The following ARAP2 variants were observed in gnomAD, a reference collection of about 807,000 sequenced individuals.
ARAP2 encodes the protein arf-GAP with Rho-GAP domain, ANK repeat and PH domain-containing protein 2.
A neutral mutation model predicts 194.5 loss-of-function variants in ARAP2; 148 were observed. The observed-to-expected ratio is 0.76, with a 90% confidence interval of 0.67 to 0.87. The LOEUF (loss-of-function observed/expected upper bound fraction) is 0.87, where lower values mean the gene tolerates loss of function less well. Ranked by LOEUF, ARAP2 falls within the 40% of genes least tolerant of loss-of-function variation. ARAP2 has a pLI of 0.00. For missense variants in ARAP2, 2,128 were observed against 1,989.7 expected (o/e 1.07, Z -1.32); for synonymous variants, 695 against 683.5 (o/e 1.02, Z -0.26).
At chr4:36,224,008 T>G (rs1317627163) in intron 2 of ARAP2, among the ~76,000 whole-genome samples, 1 of 151,970 alleles carries the variant, frequency 6.6e-6, no homozygotes, top group African/African-American at 2.4e-5. Flanking sequence ...AAGTAATGAA[T>G]AACTCTGATT....
intron 1 of ARAP2, among the ~76,000 whole-genome samples, chr4:36,233,614 T>G (rs1751922050): frequency 6.6e-6 from 1 of 152,208 alleles, no homozygotes; most frequent in South Asian, 2.1e-4. Context: ...TTTCTAGCAG[T>G]GTAAACATAG....
chr4:36,149,718 T>G (rs1180334717), intron 16 of ARAP2, among the ~76,000 whole-genome samples: 1 of 152,186 alleles, frequency 6.6e-6, no homozygotes, highest in Admixed American at 6.5e-5. Flanking sequence ...AATAATCATT[T>G]AGAGTAAAAG....
intron 5 of ARAP2, among the ~76,000 whole-genome samples, chr4:36,211,823 A>T (rs1365580799): frequency 6.6e-6 from 1 of 152,110 alleles, no homozygotes; most frequent in Non-Finnish European, 1.5e-5. Flanking sequence ...ATATACATCT[A>T]CTATGTAATC....
chr4:36,183,741 C>T (rs746116661), intron 8 of ARAP2, among the ~76,000 whole-genome samples: 1 of 152,058 alleles, frequency 6.6e-6, no homozygotes, highest in African/African-American at 2.4e-5. Context: ...AATTCACTTG[C>T]AACTAAGAGA....
At chr4:36,230,527 C>T (rs1751239720) in intron 1 of ARAP2, among the ~76,000 whole-genome samples, 1 of 152,110 alleles carries the variant, frequency 6.6e-6, no homozygotes, top group African/African-American at 2.4e-5. Context: ...GTCACATGTC[C>T]TCCAATGTAC....
chr4:36,166,956 A>G lies in ARAP2; in HGVS notation c.1949T>C (p.Ile650Thr). ...VDRTVKQSFE[I>T]ITPYRSFSFT... ...CCTGAAACTCCTGTAGGGAGTGATT[A>G]TTTCAAAAGATTGTTTCACAGTTCG... Residue 650 changes from isoleucine to threonine, a missense_variant, in exon 10 of 33, where the codon ATA becomes ACA. By Grantham distance (89) the Ile-to-Thr change is moderately conservative. Coordinates refer to ENST00000303965, the MANE Select transcript of ARAP2 (RefSeq NM_015230.4). The G allele has an allele frequency of 6.2e-7, 1 of 1,604,932 alleles. No homozygotes were observed. Among genetic ancestry groups the G allele is most frequent in the Non-Finnish European group, 8.5e-7 (1 of 1,176,382 alleles).
chr4:36,070,767 T>G (rs558083782), intron 32 of ARAP2, among the ~76,000 whole-genome samples: 2 of 152,344 alleles, frequency 1.3e-5, no homozygotes, highest in South Asian at 4.1e-4. Context: ...TTAATCTTCA[T>G]GTTGTAAAAT....
intron 6 of ARAP2, among the ~76,000 whole-genome samples, chr4:36,199,428 A>C (rs1743898092): frequency 6.6e-6 from 1 of 152,118 alleles, no homozygotes; most frequent in Non-Finnish European, 1.5e-5. Flanking sequence ...AGTAGCTGGG[A>C]CTACAGGCAC....
chr4:36,051,066 G>A (rs183908851), intron 3 of ARAP2, among the ~76,000 whole-genome samples: 110 of 152,208 alleles, frequency 7.2e-4, no homozygotes, highest in African/African-American at 2.5e-3. Context: ...ATATTATCAT[G>A]AATTAATATT....
intron 3 of ARAP2, among the ~76,000 whole-genome samples, chr4:36,213,648 G>T (rs1428095945): frequency 6.6e-6 from 1 of 151,970 alleles, no homozygotes; most frequent in Non-Finnish European, 1.5e-5. Flanking sequence ...TTGTCATGGT[G>T]CCATTTATAA....
At chr4:36,094,092 T>C (rs1714512751) in intron 27 of ARAP2, among the ~76,000 whole-genome samples, 1 of 152,168 alleles carries the variant, frequency 6.6e-6, no homozygotes, top group Non-Finnish European at 1.5e-5. Context: ...CACGTTATTT[T>C]TGTAGCTCAG....
intron 19 of ARAP2, among the ~76,000 whole-genome samples, chr4:36,144,975 C>T (rs989184742): frequency 8.6e-5 from 13 of 151,962 alleles, no homozygotes; most frequent in African/African-American, 3.1e-4. Context: ...TTTTCTCTAG[C>T]TTACTTTATT....
chr4:36,154,446 C>T (rs13121809), intron 15 of ARAP2, among the ~76,000 whole-genome samples: 9,941 of 152,122 alleles, frequency 0.065, 431 homozygotes, highest in Middle Eastern at 0.12. Context: ...AAATCAACCA[C>T]TTTCTTTTTG....
intron 29 of ARAP2, among the ~76,000 whole-genome samples, chr4:36,083,083 C>G (rs1729961111): frequency 6.6e-6 from 1 of 152,068 alleles, no homozygotes; most frequent in Admixed American, 6.6e-5. Flanking sequence ...AAGCCATGTA[C>G]TTCCCAGTAG....
At chr4:36,113,923 T>C (rs1345548391) in intron 26 of ARAP2, among the ~76,000 whole-genome samples, 1 of 152,012 alleles carries the variant, frequency 6.6e-6, no homozygotes, top group Non-Finnish European at 1.5e-5. Flanking sequence ...ACAAAGGTCT[T>C]CTTTTCTGAG....
chr4:36,092,054 T>C lies in ARAP2; in HGVS notation c.4286-34A>G, dbSNP rs771249497. On this transcript the variant is annotated intron_variant, in intron 27 of 32. Coordinates refer to ENST00000303965, the MANE Select transcript of ARAP2 (RefSeq NM_015230.4). ...TACAGCATTACTTTTGTGAGTTGGG[T>C]ACGTTTTTACTTATTTGAAATACAA... The C allele has an allele frequency of 1.4e-6, 2 of 1,466,280 alleles. 1 individual carries two copies. Among genetic ancestry groups the C allele is most frequent in the South Asian group, 3.0e-5 (2 of 66,628 alleles). 90.8% of individuals were successfully genotyped at this position (1,466,280 alleles called of 1,614,324 possible).
rs1053982632 is a variant in ARAP2, at chr4:36,131,225, A to AAT, written c.3427+1999_3427+2000dup. Reference sequence around the variant, plus strand: ...AGGTTTCCCCAACGTTCTGAATATAAATATATATATGATATAAACATACTA... The same window carrying AAT: ...AGGTTTCCCCAACGTTCTGAATATAAATATATATATATGATATAAACATACTA... On this transcript the variant is annotated intron_variant, in intron 20 of 32. Transcript: ENST00000303965. Among the ~76,000 whole-genome samples the AAT allele has an allele frequency of 1.6e-4, 25 of 151,614 alleles. No individual in the cohort carries two copies. The South Asian group carries it at 1.7e-3, about 10-fold the overall frequency.
At position 36,027,981 on chromosome 4, in the gene ARAP2, C is replaced by T. The variant is rs551426571; in HGVS notation, n.608-8695G>A. ...ACTGGGAATGCAAATAAATATTTACCCATTAAACATGTTCTCAGCTTGAGG... is the reference window on the plus strand; with the variant it reads ...ACTGGGAATGCAAATAAATATTTACTCATTAAACATGTTCTCAGCTTGAGG... On this transcript the variant is annotated intron_variant and non_coding_transcript_variant, in intron 5 of 12. Transcript: ENST00000503225. Among the ~76,000 whole-genome samples the T allele has an allele frequency of 4.1e-4, 63 of 152,154 alleles. 2 individuals carry two copies. Among genetic ancestry groups the T allele is most frequent in the Middle Eastern group, 6.8e-3 (2 of 294 alleles).
intron 13 of ARAP2, 42 bp downstream of exon 13, chr4:36,160,417 A>C (rs1294458385): frequency 1.4e-6 from 2 of 1,432,370 alleles, no homozygotes; most frequent in Non-Finnish European, 1.8e-6. Context: ...ATCATTAAAA[A>C]GACATTAAAA....
Sources: allele counts gnomAD v4.1 joint callset (sites outside exome capture counted in the v4.1 genomes callset), GRCh38; gene constraint gnomAD v4.1.1; transcripts MANE v1.5; gene names NCBI Gene and HGNC (gene_info 2026-07-23, HGNC 2026-07-21).